SLC39A12: variants seen among roughly 807,000 people sequenced by gnomAD.
SLC39A12 encodes the protein solute carrier family 39 member 12.
In SLC39A12, 63 loss-of-function variants were observed where a neutral mutation model predicts 71.1. The observed-to-expected ratio is 0.89, with a 90% confidence interval of 0.72 to 1.09. SLC39A12 has a LOEUF of 1.09. SLC39A12 is among the 50% of genes least tolerant of loss of function. The pLI is 0.00. For synonymous variants in SLC39A12, 351 were observed against 301.3 expected (o/e 1.16, Z -1.71); for missense variants, 892 against 812.6 (o/e 1.10, Z -1.19).
chr10:17,988,353 A>G (rs1169306054), intron 7 of SLC39A12, among the ~76,000 whole-genome samples: 1 of 152,036 alleles, frequency 6.6e-6, no homozygotes, highest in Non-Finnish European at 1.5e-5. Flanking sequence ...CTGGTTGTTT[A>G]AAAGTCCAGA....
At chr10:17,991,109 C>T (rs1453285288) in intron 7 of SLC39A12, 42 bp from the exon 8 acceptor site, 1 of 1,519,954 alleles carries the variant, frequency 6.6e-7, no homozygotes, top group East Asian at 2.3e-5. Context: ...AGACTTATCT[C>T]CATCTTTCTC....
chr10:17,997,851 C>A (rs1399771184), intron 10 of SLC39A12, among the ~76,000 whole-genome samples: 1 of 152,140 alleles, frequency 6.6e-6, no homozygotes, highest in African/African-American at 2.4e-5. Flanking sequence ...CACTTCCAGC[C>A]CCCATGTTTT....
intron 12 of SLC39A12, among the ~76,000 whole-genome samples, chr10:18,039,216 G>T (rs959291027): frequency 4.6e-5 from 7 of 151,010 alleles, no homozygotes; most frequent in African/African-American, 1.7e-4. Flanking sequence ...TTTGAAAAAT[G>T]AGGAGGAGGA....
intron 12 of SLC39A12, among the ~76,000 whole-genome samples, chr10:18,005,204 T>C (rs1432647029): frequency 6.6e-6 from 1 of 152,052 alleles, no homozygotes. Flanking sequence ...AACCTGCATA[T>C]GTACCCCGGA....
intron 7 of SLC39A12, among the ~76,000 whole-genome samples, chr10:17,990,250 T>G (rs932178572): frequency 6.6e-6 from 1 of 152,068 alleles, no homozygotes; most frequent in African/African-American, 2.4e-5. Flanking sequence ...CATATATTGG[T>G]TTTTAGTGAT....
intron 12 of SLC39A12, among the ~76,000 whole-genome samples, chr10:18,013,649 G>T (rs770942766): frequency 1.3e-5 from 2 of 152,168 alleles, no homozygotes; most frequent in Non-Finnish European, 2.9e-5. Flanking sequence ...TGAGATTACA[G>T]TATGAGCCAC....
At chr10:17,969,088 A>T (rs150989092) in intron 4 of SLC39A12, among the ~76,000 whole-genome samples, 24 of 152,268 alleles carry the variant, frequency 1.6e-4, no homozygotes, top group African/African-American at 5.5e-4. Context: ...AGTGTTTTCC[A>T]GTTTCATCCA....
intron 2 of SLC39A12, 82 bp from the exon 3 acceptor site, chr10:17,961,499 A>C: frequency 7.5e-7 from 1 of 1,330,586 alleles, no homozygotes; most frequent in South Asian, 1.5e-5. Context: ...ATAAGCAATG[A>C]AGACCCTGGT....
At chr10:17,999,294 C>CAAAAAAA (rs59734258) in intron 10 of SLC39A12, among the ~76,000 whole-genome samples, 5 of 70,348 alleles carry the variant, frequency 7.1e-5, no homozygotes, top group East Asian at 4.4e-4. Flanking sequence ...GACTCCATCT[C>CAAAAAAA]AAAAAAAAAA....
chr10:17,986,562 T>C (rs1476394606), intron 6 of SLC39A12, among the ~76,000 whole-genome samples: 2 of 152,186 alleles, frequency 1.3e-5, no homozygotes, highest in Non-Finnish European at 2.9e-5. Context: ...GTATATGTTC[T>C]AATCACCTCC....
intron 4 of SLC39A12, among the ~76,000 whole-genome samples, chr10:17,975,608 T>TG (rs138285983): frequency 0.022 from 3,413 of 152,128 alleles, 118 homozygotes; most frequent in African/African-American, 0.074. Context: ...GGGTATCTTT[T>TG]GGGTAATGAG....
intron 12 of SLC39A12, among the ~76,000 whole-genome samples, chr10:18,017,029 A>C (rs1836404679): frequency 1.3e-5 from 2 of 152,152 alleles, no homozygotes; most frequent in South Asian, 4.2e-4. Context: ...CTGAGGTTTT[A>C]ATTTTGGGAG....
intron 6 of SLC39A12, among the ~76,000 whole-genome samples, chr10:17,986,434 A>C (rs1198251686): frequency 6.6e-6 from 1 of 152,198 alleles, no homozygotes; most frequent in Admixed American, 6.5e-5. Flanking sequence ...AGATCAAGGC[A>C]TCAGCAGATT....
intron 7 of SLC39A12, 26 bp from the exon 8 acceptor site, chr10:17,991,125 C>CTTTTTTTT: frequency 8.1e-6 from 11 of 1,359,034 alleles, no homozygotes; most frequent in Admixed American, 3.0e-5. Context: ...TTCTCTCTGC[C>CTTTTTTTT]TTTTTTTTTT....
At chr10:18,021,023 C>T (rs914837596) in intron 12 of SLC39A12, among the ~76,000 whole-genome samples, 4 of 152,006 alleles carry the variant, frequency 2.6e-5, no homozygotes, top group Admixed American at 2.0e-4. Context: ...CTTTTGGAGT[C>T]TCTGTCATGA....
intron 12 of SLC39A12, among the ~76,000 whole-genome samples, chr10:18,037,804 A>G (rs1405777048): frequency 6.6e-6 from 1 of 151,896 alleles, no homozygotes; most frequent in Non-Finnish European, 1.5e-5. Context: ...TGGGCGGATC[A>G]CCGTCAGGAG....
chr10:17,983,577 T>C (rs1189492565), intron 6 of SLC39A12, among the ~76,000 whole-genome samples: 1 of 151,816 alleles, frequency 6.6e-6, no homozygotes, highest in Non-Finnish European at 1.5e-5. Flanking sequence ...AGGTCAGGAG[T>C]TCGAGACCAG....
chr10:17,957,426 C>A (rs577554325), intron 2 of SLC39A12, among the ~76,000 whole-genome samples: 2 of 152,098 alleles, frequency 1.3e-5, no homozygotes, highest in Non-Finnish European at 2.9e-5. Context: ...AAAACTAATT[C>A]CCAGAATTTA....
intron 1 of SLC39A12, among the ~76,000 whole-genome samples, chr10:17,952,290 T>G (rs1331928635): frequency 1.6e-5 from 2 of 127,722 alleles, no homozygotes; most frequent in East Asian, 4.4e-4. Context: ...CCCCCACTCC[T>G]TTAGTCACCA....
Sources: allele counts gnomAD v4.1 joint callset (sites outside exome capture counted in the v4.1 genomes callset), GRCh38; gene constraint gnomAD v4.1.1; transcripts MANE v1.5; gene names NCBI Gene and HGNC (gene_info 2026-07-23, HGNC 2026-07-21).